Variants in NXPE4 observed in about 807,000 individuals in gnomAD.
NXPE4 encodes the protein NXPE family member 4.
Under a neutral mutation model 33.3 loss-of-function variants are expected in NXPE4, and 42 were observed. The observed-to-expected ratio is 1.26, with a 90% CI of 0.98 to 1.63. The LOEUF (loss-of-function observed/expected upper bound fraction) is 1.63. NXPE4 is among the 40% of genes most tolerant of loss of function. The pLI, the probability that NXPE4 is intolerant of heterozygous loss-of-function variation, is 0.00. For missense variants in NXPE4, 709 were observed against 647.6 expected, an observed-to-expected ratio of 1.09 and a Z score of -1.03; for synonymous variants, 253 against 234.9, an observed-to-expected ratio of 1.08 and a Z score of -0.71.
At chr11:114,618,928 T>C in the NXPE4 span, among the ~76,000 whole-genome samples, 14 of 152,192 alleles carry the variant, frequency 9.2e-5, no homozygotes, top group East Asian at 2.7e-3. Flanking sequence ...GGGTAATCAC[T>C]GCTACCCACT....
At chr11:114,632,672 A>G in the NXPE4 span, among the ~76,000 whole-genome samples, 1 of 58,798 alleles carries the variant, frequency 1.7e-5, no homozygotes, top group African/African-American at 1.0e-4. Flanking sequence ...TATAGTATAT[A>G]TATTTATATA....
chr11:114,618,559 G>A, the NXPE4 span, among the ~76,000 whole-genome samples: 3 of 151,890 alleles, frequency 2.0e-5, no homozygotes, highest in South Asian at 6.2e-4. Context: ...CTGTTACCCA[G>A]TGGATAATAA....
the NXPE4 span, among the ~76,000 whole-genome samples, chr11:114,642,022 A>G: frequency 1.3e-5 from 2 of 152,088 alleles, no homozygotes; most frequent in African/African-American, 4.8e-5. Context: ...TAAAAAAGTA[A>G]TTATTCTCTG....
chr11:114,586,516 G>A (rs1949301424), intron 2 of NXPE4, among the ~76,000 whole-genome samples: 2 of 152,202 alleles, frequency 1.3e-5, no homozygotes. Flanking sequence ...ACAAGACTCA[G>A]GGGACAGGCT....
chr11:114,661,909 G>T, the NXPE4 span, among the ~76,000 whole-genome samples: 18 of 152,222 alleles, frequency 1.2e-4, no homozygotes, highest in Admixed American at 9.8e-4. Context: ...AGGTGCAAAG[G>T]CAATTCAATG....
chr11:114,583,564 T>C (rs569937963), intron 2 of NXPE4: 1 of 595,872 alleles, frequency 1.7e-6, no homozygotes, highest in East Asian at 4.4e-5. Context: ...CAGCATTTGA[T>C]GGCCTGTTTG....
At chr11:114,614,376 G>A in the NXPE4 span, among the ~76,000 whole-genome samples, 7 of 151,498 alleles carry the variant, frequency 4.6e-5, no homozygotes, top group Middle Eastern at 0.01. Flanking sequence ...CTGTTACCTG[G>A]TGGATAATAA....
the NXPE4 span, among the ~76,000 whole-genome samples, chr11:114,613,819 A>T: frequency 2.0e-5 from 3 of 149,634 alleles, no homozygotes; most frequent in Admixed American, 6.7e-5. Context: ...TTGCCTCATA[A>T]GTAACCACTG....
chr11:114,625,423 C>T, the NXPE4 span, among the ~76,000 whole-genome samples: 3 of 151,638 alleles, frequency 2.0e-5, no homozygotes, highest in Non-Finnish European at 4.4e-5. Flanking sequence ...GCAACCACTT[C>T]TACCACATGG....
chr11:114,647,954 C>A, the NXPE4 span, among the ~76,000 whole-genome samples: 1 of 152,260 alleles, frequency 6.6e-6, no homozygotes, highest in Admixed American at 6.5e-5. Flanking sequence ...CCTGCCTTGG[C>A]CTCCCAAAGT....
the NXPE4 span, among the ~76,000 whole-genome samples, chr11:114,659,136 GAGA>G: frequency 5.3e-5 from 8 of 152,218 alleles, no homozygotes; most frequent in Non-Finnish European, 1.2e-4. Flanking sequence ...CATGGCTCAG[GAGA>G]AGATGTGTAC....
At chr11:114,605,772 T>A in the NXPE4 span, among the ~76,000 whole-genome samples, 1 of 151,866 alleles carries the variant, frequency 6.6e-6, no homozygotes, top group Non-Finnish European at 1.5e-5. Flanking sequence ...TAATCACTGT[T>A]AACCAGTGGA....
At chr11:114,655,944 A>G in the NXPE4 span, among the ~76,000 whole-genome samples, 1 of 152,182 alleles carries the variant, frequency 6.6e-6, no homozygotes, top group Non-Finnish European at 1.5e-5. Context: ...CAGGCAAGAG[A>G]AAGAAATAAA....
the NXPE4 span, among the ~76,000 whole-genome samples, chr11:114,623,882 A>G: frequency 1.3e-5 from 2 of 152,052 alleles, no homozygotes; most frequent in Non-Finnish European, 2.9e-5. Context: ...TACCCAGGGG[A>G]TAGTAAGTAT....
At chr11:114,586,067 T>A (rs560092534) in intron 2 of NXPE4, among the ~76,000 whole-genome samples, 1 of 152,344 alleles carries the variant, frequency 6.6e-6, no homozygotes, top group Admixed American at 6.5e-5. Context: ...CTTTGTGTGC[T>A]ATGCAAATGT....
At chr11:114,654,257 A>G in the NXPE4 span, among the ~76,000 whole-genome samples, 2 of 152,086 alleles carry the variant, frequency 1.3e-5, no homozygotes, top group Admixed American at 6.5e-5. Flanking sequence ...GCTTTGAATG[A>G]AACAGAGCTG....
At chr11:114,611,811 C>T in the NXPE4 span, among the ~76,000 whole-genome samples, 1 of 151,908 alleles carries the variant, frequency 6.6e-6, no homozygotes, top group African/African-American at 2.4e-5. Context: ...TCTTGGGAAA[C>T]CACTGTTACC....
chr11:114,585,611 A>G (rs11215075), intron 2 of NXPE4, among the ~76,000 whole-genome samples: 28,674 of 151,898 alleles, frequency 0.19, 3,039 homozygotes, highest in African/African-American at 0.28. Context: ...GTGTGTGTGT[A>G]TATATATGTA....
the NXPE4 span, among the ~76,000 whole-genome samples, chr11:114,623,772 C>T: frequency 9.8e-3 from 1,490 of 152,106 alleles, 14 homozygotes; most frequent in Non-Finnish European, 0.015. Context: ...CATGTTGCCT[C>T]GTGGGTTACC....
Sources: gnomAD v4.1 joint callset for allele counts (sites outside exome capture counted in the v4.1 genomes callset) on GRCh38, gnomAD v4.1.1 for gene constraint, MANE v1.5 for transcripts, NCBI Gene and HGNC (gene_info 2026-07-23, HGNC 2026-07-21) for gene names.